Variants in TEF observed in about 807,000 individuals in gnomAD.
TEF encodes thyrotroph embryonic factor.
In TEF, 3 loss-of-function variants were observed where a neutral mutation model predicts 20.8. The observed-to-expected ratio is 0.14, with a 90% CI of 0.07 to 0.37. The LOEUF (loss-of-function observed/expected upper bound fraction) is 0.37. TEF is among the 10% of genes least tolerant of loss of function. The pLI is 1.00. For missense variants in TEF, 296 were observed against 397.9 expected (o/e 0.74, Z 2.18); for synonymous variants, 180 against 171.1 (o/e 1.05, Z -0.41).
chr22:41,379,699 T>C (rs775924386), upstream of TEF, among the ~76,000 whole-genome samples: 5 of 151,908 alleles, frequency 3.3e-5, no homozygotes, highest in Non-Finnish European at 5.9e-5. Context: ...ACCCCGTCTC[T>C]ACCAAAAATA....
upstream of TEF, among the ~76,000 whole-genome samples, chr22:41,377,780 ACT>A (rs1247025009): frequency 1.3e-5 from 2 of 151,464 alleles, no homozygotes; most frequent in East Asian, 1.9e-4. Flanking sequence ...AGGGGAAAAA[ACT>A]CTCTCTGGGG....
chr22:41,381,797 C>T, upstream of TEF: 1 of 1,013,026 alleles, frequency 9.9e-7, no homozygotes, highest in Non-Finnish European at 1.3e-6. Flanking sequence ...GCCCGAGGAT[C>T]TGCGCCTGCC....
chr22:41,397,835 A>G lies in TEF; in HGVS notation c.*1875A>G, dbSNP rs931912059. The G allele has an allele frequency of 3.3e-5, 5 of 152,128 alleles. No homozygotes were observed. The highest frequency in any genetic ancestry group is 2.1e-4 in the South Asian group (1 of 4,832). 9.4% of individuals were successfully genotyped at this position (152,128 alleles called of 1,614,324 possible). ...GTGGATCACCAAGAGGGCGGTTCTC[A>G]TTTTGTTATTAGTGGAAGAGCCTTG... On this transcript the variant is annotated 3_prime_UTR_variant, in exon 4 of 4. Coordinates refer to ENST00000266304, the MANE Select transcript of TEF (RefSeq NM_003216.4).
chr22:41,389,258 G>T (rs767852578), intron 2 of TEF, among the ~76,000 whole-genome samples: 1 of 152,058 alleles, frequency 6.6e-6, no homozygotes, highest in Non-Finnish European at 1.5e-5. Flanking sequence ...AAAATTAGCC[G>T]GGTGTGGTGG....
chr22:41,378,736 T>A (rs995217521), upstream of TEF, among the ~76,000 whole-genome samples: 3 of 150,960 alleles, frequency 2.0e-5, no homozygotes, highest in Non-Finnish European at 4.4e-5. Flanking sequence ...CCTCCCAAAG[T>A]GCTGGGATTA....
chr22:41,383,005 C>A (rs1337191478), intron 1 of TEF: 1 of 470,920 alleles, frequency 2.1e-6, no homozygotes, highest in Non-Finnish European at 4.4e-6. Context: ...CCTTGTTTTT[C>A]GCCCTGGGAG....
intron 2 of TEF, among the ~76,000 whole-genome samples, chr22:41,393,704 C>T (rs577539238): frequency 4.8e-5 from 7 of 145,070 alleles, no homozygotes; most frequent in African/African-American, 1.8e-4. Flanking sequence ...ACCCGGGAGG[C>T]GGAGCTTGCA....
upstream of TEF, among the ~76,000 whole-genome samples, chr22:41,381,347 A>ACCGCCCCGGGCC (rs1182520796): frequency 7.3e-6 from 1 of 136,866 alleles, no homozygotes. Context: ...CGCCTCGTGC[A>ACCGCCCCGGGCC]CCGCCCCGGG....
chr22:41,395,733 A>G lies in TEF; in HGVS notation c.697-12A>G. On this transcript the variant is annotated splice_polypyrimidine_tract_variant and intron_variant, in intron 3 of 3. Coordinates refer to ENST00000266304, the MANE Select transcript of TEF (RefSeq NM_003216.4). ...GAAAGACGAGAGACTCACAGAGGGC[A>G]CTTCCCCACAGGATGAAAAGTACTG... is the stretch of plus-strand genomic sequence containing the variant. The G allele has an allele frequency of 6.2e-7, 1 of 1,610,734 alleles. No individual in the cohort carries two copies. The highest frequency in any genetic ancestry group is 8.5e-7 in the Non-Finnish European group (1 of 1,177,274).
At chr22:41,380,183 C>T (rs971925184), upstream of TEF, among the ~76,000 whole-genome samples, 12 of 152,062 alleles carry the variant, frequency 7.9e-5, no homozygotes, top group African/African-American at 2.7e-4. Flanking sequence ...ATGGAGTCTC[C>T]CTCTGTCGCC....
chr22:41,387,407 A>G lies in TEF; in HGVS notation c.214A>G (p.Met72Val), dbSNP rs1323082885. 1.3e-5 allele frequency: 21 copies of G among 1,614,118 alleles called. No homozygotes were observed. Among genetic ancestry groups the G allele is most frequent in the East Asian group, 8.9e-5 (4 of 44,900 alleles). The change falls in exon 2 of 4, where the codon ATG becomes GTG. Residue 72 changes from methionine (M) to valine (V), a missense_variant. Transcript: ENST00000266304. ...GGACGAGGCCGCAGCCGCCAGCACC[A>G]TGGCTGTCTCAGCCTCCCTCATGCC... Reference protein sequence around the residue: ...EEDEAAAASTMAVSASLMPPI... With the variant: ...EEDEAAAASTVAVSASLMPPI...
intron 1 of TEF, 39 bp from the exon 2 acceptor site, chr22:41,387,312 C>G: frequency 6.2e-7 from 1 of 1,607,910 alleles, no homozygotes; most frequent in Non-Finnish European, 8.5e-7. Context: ...TTGAGTTACT[C>G]TCCTGTGTGG....
intron 3 of TEF, 122 bp downstream of exon 3, chr22:41,394,438 A>G: frequency 1.0e-6 from 1 of 978,874 alleles, no homozygotes; most frequent in Non-Finnish European, 1.5e-6. Flanking sequence ...TTGGAAAGAC[A>G]TGAGTTTAGT....
Position 41,382,102 on chromosome 22 carries a change from C to A in TEF, c.58C>A (p.Pro20Thr). The A allele has an allele frequency of 8.1e-7, 1 of 1,232,628 alleles. No individual in the cohort carries two copies. The highest frequency in any genetic ancestry group is 1.0e-6 in the Non-Finnish European group (1 of 988,040). 76.4% of individuals were successfully genotyped at this position (1,232,628 alleles called of 1,614,324 possible). A position where few individuals can be genotyped will look rare whatever the true frequency, so the allele number is the denominator to read the frequency against. The change falls in exon 1 of 4, where the codon CCG becomes ACG. Residue 20 changes from proline (P) to threonine (T), a missense_variant. By Grantham distance (38) the Pro-to-Thr change is conservative (BLOSUM62 -1). Around this residue, in one of 2 missense-constraint regions of TEF, gnomAD observed 102 missense variants for 80.1 expected, o/e 1.27. Coordinates refer to ENST00000266304, the MANE Select transcript of TEF (RefSeq NM_003216.4). ...PPVDPQAGPG[P>T]GPGRAAGERG... The stretch of plus-strand genomic sequence containing the variant: ...TGTGGACCCGCAGGCAGGACCCGGT[C>A]CGGGGCCGGGGCGCGCAGCTGGGGA...
Position 41,382,232 on chromosome 22 carries a change from G to T in TEF, c.157+31G>T, listed in dbSNP as rs570045472. ...GGCGGGGGGGTGGTCCGCGCGGGCT[G>T]GGGGCGGGGCTTATACAGGGGCGGG... is the stretch of plus-strand genomic sequence containing the variant. On this transcript the variant is annotated intron_variant, in intron 1 of 3. Transcript: ENST00000266304. The T allele has an allele frequency of 1.6e-3, 1,993 of 1,225,176 alleles. 1 individual carries two copies. Among genetic ancestry groups the T allele is most frequent in the Non-Finnish European group, 1.9e-3 (1,842 of 983,110 alleles). 75.9% of individuals were successfully genotyped at this position (1,225,176 alleles called of 1,614,324 possible). A position where few individuals can be genotyped will look rare whatever the true frequency, so the allele number is the denominator to read the frequency against.
At chr22:41,385,206 C>T (rs1399473588) in intron 1 of TEF, among the ~76,000 whole-genome samples, 1 of 151,738 alleles carries the variant, frequency 6.6e-6, no homozygotes, top group African/African-American at 2.4e-5. Context: ...TCTACTAAAA[C>T]AAAATTAGCC....
At chr22:41,374,851 CTTG>C (rs1414707794) in intron 1 of TEF, among the ~76,000 whole-genome samples, 2 of 152,038 alleles carry the variant, frequency 1.3e-5, no homozygotes, top group Non-Finnish European at 2.9e-5. Flanking sequence ...AGGGGTTGAT[CTTG>C]TTGTTTCAAG....
chr22:41,380,582 T>C (rs555249871), upstream of TEF, among the ~76,000 whole-genome samples: 3 of 152,298 alleles, frequency 2.0e-5, no homozygotes, highest in African/African-American at 7.2e-5. Flanking sequence ...CTAGAAGGGC[T>C]GGGCCACTGT....
chr22:41,394,890 C>T (rs916265370), intron 3 of TEF, among the ~76,000 whole-genome samples: 1 of 152,196 alleles, frequency 6.6e-6, no homozygotes, highest in African/African-American at 2.4e-5. Context: ...AAAACGGGAG[C>T]AACTGAACCT....
Sources: gnomAD v4.1 joint callset for allele counts (sites outside exome capture counted in the v4.1 genomes callset) on GRCh38, gnomAD v4.1.1 for gene constraint, gnomAD v4.1.1 regional missense constraint, MANE v1.5 for transcripts, NCBI Gene and HGNC (gene_info 2026-07-23, HGNC 2026-07-21) for gene names.